The following CAP2 variants were observed in gnomAD, a reference collection of about 807,000 sequenced individuals.
The protein encoded by CAP2 is cyclase associated actin cytoskeleton regulatory protein 2.
A neutral mutation model predicts 57.7 loss-of-function variants in CAP2; 24 were observed. That is an observed-to-expected ratio of 0.42 (90% confidence interval 0.30 to 0.58). CAP2 has a LOEUF of 0.58. CAP2 is among the 20% of genes least tolerant of loss of function. The pLI is 0.22. For missense variants in CAP2, 501 were observed against 590.3 expected, an observed-to-expected ratio of 0.85 and a Z score of 1.57; for synonymous variants, 194 against 207.2, an observed-to-expected ratio of 0.94 and a Z score of 0.55.
chr6:17,487,930 C>T (rs1357973890), intron 4 of CAP2, among the ~76,000 whole-genome samples: 8 of 151,840 alleles, frequency 5.3e-5, no homozygotes, highest in Non-Finnish European at 1.2e-4. Flanking sequence ...AGGTGTGTGC[C>T]ACTATGCCTA....
chr6:17,419,688 A>AT (rs879467193), intron 1 of CAP2, among the ~76,000 whole-genome samples: 325 of 145,266 alleles, frequency 2.2e-3, no homozygotes, highest in African/African-American at 7.0e-3. Flanking sequence ...CCCCCTCGCC[A>AT]TTTTTTTTTT....
chr6:17,412,066 C>G (rs1346378846), intron 1 of CAP2, among the ~76,000 whole-genome samples: 1 of 152,100 alleles, frequency 6.6e-6, no homozygotes, highest in East Asian at 1.9e-4. Flanking sequence ...ATTCAGAGTC[C>G]TTTATTTTAT....
chr6:17,506,298 G>A (rs1761981862), intron 4 of CAP2, among the ~76,000 whole-genome samples: 1 of 152,194 alleles, frequency 6.6e-6, no homozygotes, highest in Non-Finnish European at 1.5e-5. Context: ...GAAGTGGACT[G>A]GGGACAATGT....
In CAP2 at chr6:17,488,765, C is replaced by A. The variant is rs553438972; in HGVS notation, c.301-18404C>A. On this transcript the variant is annotated intron_variant, in intron 4 of 12. Transcript: ENST00000229922. The stretch of plus-strand genomic sequence containing the variant: ...TATAGAGCTGCAGTTTGTGTTAGTT[C>A]TGTTGTCATCAAAGTTTGCACGCGA... 1.2e-4 allele frequency among the ~76,000 whole-genome samples: 18 copies of A among 152,334 alleles called. No individual in the cohort carries two copies. The East Asian group carries it at 3.5e-3, about 29-fold the overall frequency.
intron 1 of CAP2, among the ~76,000 whole-genome samples, chr6:17,406,398 CTTTT>C (rs777803474): frequency 9.8e-6 from 1 of 102,468 alleles, no homozygotes; most frequent in Non-Finnish European, 1.8e-5. Flanking sequence ...GCCCAGATTT[CTTTT>C]TTTTTTTTTT....
intron 4 of CAP2, among the ~76,000 whole-genome samples, chr6:17,469,617 C>T (rs763321954): frequency 1.3e-5 from 2 of 152,024 alleles, no homozygotes; most frequent in African/African-American, 2.4e-5. Flanking sequence ...ACAGAGAGCG[C>T]GTTTCTACTA....
At chr6:17,425,610 T>A (rs1161579544) in intron 2 of CAP2, among the ~76,000 whole-genome samples, 2 of 152,286 alleles carry the variant, frequency 1.3e-5, no homozygotes, top group East Asian at 3.9e-4. Context: ...AGGTTTTGGA[T>A]CTGCCTTTTG....
At chr6:17,485,497 A>G (rs2113628042) in intron 4 of CAP2, among the ~76,000 whole-genome samples, 1 of 152,226 alleles carries the variant, frequency 6.6e-6, no homozygotes, top group East Asian at 1.9e-4. Context: ...AGGAATGGTG[A>G]CTTTGGACTC....
chr6:17,467,545 A>G (rs1317853154), intron 4 of CAP2, among the ~76,000 whole-genome samples: 5 of 152,160 alleles, frequency 3.3e-5, no homozygotes, highest in Admixed American at 3.3e-4. Flanking sequence ...TTTTTTTGGG[A>G]CGGAATCTTG....
At chr6:17,475,779 C>T (rs764899273) in intron 4 of CAP2, among the ~76,000 whole-genome samples, 1 of 152,224 alleles carries the variant, frequency 6.6e-6, no homozygotes, top group Non-Finnish European at 1.5e-5. Context: ...ACGGTACTTT[C>T]TTCAGGCAAT....
chr6:17,435,088 G>A (rs975508605), intron 3 of CAP2, among the ~76,000 whole-genome samples: 2 of 118,504 alleles, frequency 1.7e-5, no homozygotes, highest in Non-Finnish European at 3.5e-5. Flanking sequence ...TGGTGGGACT[G>A]TAAACTAGTT....
chr6:17,488,567 A>G (rs1489364131), intron 4 of CAP2, among the ~76,000 whole-genome samples: 3 of 152,198 alleles, frequency 2.0e-5, no homozygotes, highest in Non-Finnish European at 4.4e-5. Context: ...TTAAAAAAAA[A>G]CACACTCATA....
At chr6:17,446,543 A>T (rs1405367123) in intron 3 of CAP2, among the ~76,000 whole-genome samples, 2 of 152,256 alleles carry the variant, frequency 1.3e-5, no homozygotes, top group Non-Finnish European at 2.9e-5. Flanking sequence ...GGGAGGTGGC[A>T]TATGCACTTA....
At chr6:17,410,592 C>T (rs753907298) in intron 1 of CAP2, among the ~76,000 whole-genome samples, 13 of 150,058 alleles carry the variant, frequency 8.7e-5, no homozygotes, top group Non-Finnish European at 1.6e-4. Context: ...TTTTTTGAGA[C>T]GGAGTCCAGA....
At chr6:17,502,370 A>G (rs1252766726) in intron 4 of CAP2, among the ~76,000 whole-genome samples, 2 of 152,322 alleles carry the variant, frequency 1.3e-5, no homozygotes, top group East Asian at 3.9e-4. Context: ...TCTATTTTTG[A>G]TTCCTGCCTT....
chr6:17,395,827 A>C (rs1758651661), intron 1 of CAP2, among the ~76,000 whole-genome samples: 1 of 152,224 alleles, frequency 6.6e-6, no homozygotes, highest in African/African-American at 2.4e-5. Flanking sequence ...CACTAGGTTT[A>C]TAAACTAGGG....
chr6:17,412,646 T>G (rs1759167849), intron 1 of CAP2, among the ~76,000 whole-genome samples: 1 of 152,018 alleles, frequency 6.6e-6, no homozygotes, highest in African/African-American at 2.4e-5. Context: ...GGGTGATACC[T>G]CCAGAGTGGA....
chr6:17,507,605 T>C (rs1462275456), intron 5 of CAP2, 36 bp from the exon 6 acceptor site: 1 of 1,235,956 alleles, frequency 8.1e-7, no homozygotes, highest in Non-Finnish European at 1.2e-6. Flanking sequence ...TATTTTTTTT[T>C]CCTTCTATGC....
chr6:17,540,736 A>G (rs1451172375), intron 8 of CAP2, among the ~76,000 whole-genome samples: 1 of 152,186 alleles, frequency 6.6e-6, no homozygotes, highest in Admixed American at 6.5e-5. Flanking sequence ...CCTAGGTGAC[A>G]GAGCGAGACT....
Sources: allele counts gnomAD v4.1 joint callset (sites outside exome capture counted in the v4.1 genomes callset), GRCh38; gene constraint gnomAD v4.1.1; transcripts MANE v1.5; gene names NCBI Gene and HGNC (gene_info 2026-07-23, HGNC 2026-07-21).